The following NECTIN3 variants were observed in gnomAD, a reference collection of about 807,000 sequenced individuals.
The protein encoded by NECTIN3 is nectin cell adhesion molecule 3, also known as nectin-3.
In NECTIN3, 8 loss-of-function variants were observed where a neutral mutation model predicts 49.4. That is an observed-to-expected ratio of 0.16 (90% CI 0.10 to 0.29). The LOEUF is 0.29. Ranked by LOEUF, NECTIN3 falls within the 10% of genes least tolerant of loss-of-function variation. NECTIN3 has a pLI of 1.00. For missense variants in NECTIN3, 581 were observed against 654.6 expected, an observed-to-expected ratio of 0.89 and a Z score of 1.23; for synonymous variants, 277 against 241.1, an observed-to-expected ratio of 1.15 and a Z score of -1.38.
rs1397736660 is a variant in NECTIN3 at position 111,136,731 on chromosome 3, A to G, written c.*2516A>G. The G allele has an allele frequency of 3.4e-5, 31 of 919,604 alleles. No homozygotes were observed. The highest frequency in any genetic ancestry group is 4.0e-5 in the Non-Finnish European group (31 of 770,562). The allele number at this position is 919,604 out of a possible 1,614,324, so 57.0% of individuals were successfully genotyped here. A position where few individuals can be genotyped will look rare whatever the true frequency, so the allele number is the denominator to read the frequency against. On this transcript the variant is annotated 3_prime_UTR_variant, in exon 6 of 6. Transcript: ENST00000485303. ...CCATATTTATATTTATTTCTTTCAT[A>G]TGGTTTGAACTGTTTTAGCATTTTG...
chr3:111,103,195 A>T (rs2033003422), intron 1 of NECTIN3, among the ~76,000 whole-genome samples: 1 of 152,126 alleles, frequency 6.6e-6, no homozygotes, highest in African/African-American at 2.4e-5. Flanking sequence ...ACTTGCTGAG[A>T]TTTTGATTGG....
intron 5 of NECTIN3, among the ~76,000 whole-genome samples, chr3:111,142,573 A>G (rs1182320023): frequency 1.3e-5 from 2 of 151,880 alleles, no homozygotes; most frequent in Non-Finnish European, 3.0e-5. Context: ...GCATTACTTC[A>G]AGATATTAAA....
At chr3:111,131,967 C>A (rs1431245633) in intron 5 of NECTIN3, among the ~76,000 whole-genome samples, 3 of 151,750 alleles carry the variant, frequency 2.0e-5, no homozygotes, top group Non-Finnish European at 3.0e-5. Flanking sequence ...GGATGACATT[C>A]AATACATTAA....
At chr3:111,182,448 A>C (rs1416383631) in intron 7 of NECTIN3, among the ~76,000 whole-genome samples, 2 of 152,120 alleles carry the variant, frequency 1.3e-5, no homozygotes, top group African/African-American at 4.8e-5. Context: ...ACATTTGTGA[A>C]TATATCCATT....
intron 4 of NECTIN3, among the ~76,000 whole-genome samples, chr3:111,124,351 T>A (rs1044618047): frequency 6.6e-6 from 1 of 152,174 alleles, no homozygotes; most frequent in East Asian, 1.9e-4. Flanking sequence ...TCATGTAACA[T>A]AGACACAAGG....
At chr3:111,139,273 T>C (rs2034681168), downstream of NECTIN3, among the ~76,000 whole-genome samples, 1 of 151,754 alleles carries the variant, frequency 6.6e-6, no homozygotes, top group Non-Finnish European at 1.5e-5. Context: ...TTTTGCAGTT[T>C]TAATCAGGCT....
intron 7 of NECTIN3, among the ~76,000 whole-genome samples, chr3:111,176,096 C>T (rs568339937): frequency 5.3e-4 from 81 of 152,112 alleles, no homozygotes; most frequent in African/African-American, 1.9e-3. Context: ...GTTTTAGGGG[C>T]CAGAAGAAAA....
intron 1 of NECTIN3, among the ~76,000 whole-genome samples, chr3:111,103,669 G>T (rs535552265): frequency 5.3e-5 from 8 of 152,086 alleles, no homozygotes; most frequent in South Asian, 4.1e-4. Context: ...CTTTAGTAAG[G>T]ACTTCTGGTA....
chr3:111,120,454 C>T (rs1350591065), intron 3 of NECTIN3, among the ~76,000 whole-genome samples: 1 of 152,006 alleles, frequency 6.6e-6, no homozygotes, highest in East Asian at 1.9e-4. Context: ...TAGAGATATC[C>T]TCTTGGGATA....
At chr3:111,097,115 G>A (rs868231639) in intron 1 of NECTIN3, among the ~76,000 whole-genome samples, 2 of 152,240 alleles carry the variant, frequency 1.3e-5, no homozygotes, top group Middle Eastern at 3.2e-3. Flanking sequence ...CAGGGGCAGA[G>A]CTTCCCAAGA....
At chr3:111,173,081 A>G (rs1478843665) in intron 7 of NECTIN3, among the ~76,000 whole-genome samples, 1 of 152,156 alleles carries the variant, frequency 6.6e-6, no homozygotes, top group Non-Finnish European at 1.5e-5. Context: ...TCTTTAATAC[A>G]CAGATGGTGC....
intron 5 of NECTIN3, among the ~76,000 whole-genome samples, chr3:111,128,983 C>T (rs2034278369): frequency 6.6e-6 from 1 of 152,210 alleles, no homozygotes; most frequent in African/African-American, 2.4e-5. Flanking sequence ...CTTACAATGA[C>T]TTACAGAGCC....
chr3:111,116,851 C>G (rs2033708108), intron 2 of NECTIN3, among the ~76,000 whole-genome samples: 1 of 152,038 alleles, frequency 6.6e-6, no homozygotes, highest in Non-Finnish European at 1.5e-5. Flanking sequence ...ATAATATCAG[C>G]TGGGTGACAA....
chr3:111,105,606 C>T (rs1466043408), intron 1 of NECTIN3, among the ~76,000 whole-genome samples: 1 of 152,190 alleles, frequency 6.6e-6, no homozygotes, highest in Non-Finnish European at 1.5e-5. Flanking sequence ...TAGATTCCAT[C>T]ATATTTTCTC....
At chr3:111,170,890 C>A (rs116798004) in intron 7 of NECTIN3, among the ~76,000 whole-genome samples, 2,675 of 152,214 alleles carry the variant, frequency 0.018, 73 homozygotes, top group African/African-American at 0.06. Context: ...CAAGTTTGGC[C>A]AAGCAAGGAA....
intron 1 of NECTIN3, among the ~76,000 whole-genome samples, chr3:111,074,403 A>G (rs2031029117): frequency 6.6e-6 from 1 of 152,158 alleles, no homozygotes; most frequent in Admixed American, 6.6e-5. Context: ...AGCTTTAAAA[A>G]TATGACTGTA....
intron 1 of NECTIN3, among the ~76,000 whole-genome samples, chr3:111,109,780 A>G (rs983081869): frequency 5.2e-4 from 79 of 152,002 alleles, no homozygotes; most frequent in Middle Eastern, 3.4e-3. Flanking sequence ...TATTTTTGGC[A>G]GTTATTTCTA....
At chr3:111,124,406 A>T (rs1042909563) in intron 4 of NECTIN3, among the ~76,000 whole-genome samples, 2 of 152,208 alleles carry the variant, frequency 1.3e-5, no homozygotes, top group African/African-American at 2.4e-5. Flanking sequence ...ATATTTAGAT[A>T]TTTCTAAGTC....
In NECTIN3 at chr3:111,072,188, C is replaced by T. The variant is rs1240356291; in HGVS notation, c.160+11C>T. 8 of 1,546,506 alleles carry T rather than the reference C, an allele frequency of 5.2e-6. No homozygotes were observed. In the Admixed American group the frequency reaches 9.6e-5, roughly 19 times the overall value. On this transcript the variant is annotated intron_variant, in intron 1 of 5. Transcript: ENST00000485303. Reference sequence around the variant, plus strand: ...TCTCCAGGCTCTGTGGTAGGTGAACCTCGGCGGCCGGCGTGGGCTGAGGGA... The same window carrying T: ...TCTCCAGGCTCTGTGGTAGGTGAACTTCGGCGGCCGGCGTGGGCTGAGGGA...
Sources: gnomAD v4.1 joint callset for allele counts (sites outside exome capture counted in the v4.1 genomes callset) on GRCh38, gnomAD v4.1.1 for gene constraint, MANE v1.5 for transcripts, NCBI Gene and HGNC (gene_info 2026-07-23, HGNC 2026-07-21) for gene names.